Variants in SLC35F1 observed in about 807,000 individuals in gnomAD.
SLC35F1 encodes the protein solute carrier family 35 member F1.
In SLC35F1, 14 loss-of-function variants were observed where a neutral mutation model predicts 48.7. The ratio of observed to expected loss-of-function variants is 0.29; its 90% CI spans 0.19 to 0.45. The LOEUF is 0.45. SLC35F1 is among the 20% of genes least tolerant of loss of function. SLC35F1 has a pLI of 1.00. For missense variants in SLC35F1, 404 were observed against 500.0 expected, an observed-to-expected ratio of 0.81 and a Z score of 1.83; for synonymous variants, 190 against 202.2, an observed-to-expected ratio of 0.94 and a Z score of 0.51.
chr6:118,315,554 C>T lies in SLC35F1; in HGVS notation c.*1302C>T, dbSNP rs560922678. 1.3e-5 allele frequency: 2 copies of T among 151,218 alleles called. No individual in the cohort carries two copies. Among genetic ancestry groups the T allele is most frequent in the South Asian group, 4.2e-4 (2 of 4,790 alleles). The allele number at this position is 151,218 out of a possible 1,614,324, so 9.4% of individuals were successfully genotyped here. ...TCCGGGATTCACACCATTCTCCTGC[C>T]TCAGCCTCCCGAGTAGCTGGGACTA... On this transcript the variant is annotated 3_prime_UTR_variant, in exon 8 of 8. Transcript: ENST00000360388.
At chr6:118,160,427 C>A (rs1424747800) in intron 2 of SLC35F1, among the ~76,000 whole-genome samples, 1 of 152,200 alleles carries the variant, frequency 6.6e-6, no homozygotes, top group African/African-American at 2.4e-5. Context: ...AATCATGTAT[C>A]TGTTTCTTTG....
At chr6:118,082,825 G>A (rs151054855) in intron 1 of SLC35F1, among the ~76,000 whole-genome samples, 38 of 152,240 alleles carry the variant, frequency 2.5e-4, no homozygotes, top group Non-Finnish European at 5.1e-4. Context: ...CTTTTGCATA[G>A]TCCAAATCTC....
intron 1 of SLC35F1, among the ~76,000 whole-genome samples, chr6:117,927,511 G>C (rs1445611738): frequency 6.6e-6 from 1 of 152,160 alleles, no homozygotes; most frequent in Non-Finnish European, 1.5e-5. Context: ...AGGGCAGGGA[G>C]AGAAGGAGTC....
intron 1 of SLC35F1, among the ~76,000 whole-genome samples, chr6:118,082,005 T>C (rs897349022): frequency 2.0e-5 from 3 of 152,232 alleles, no homozygotes; most frequent in Non-Finnish European, 4.4e-5. Flanking sequence ...CCTATGTTTT[T>C]AAAGATTCTG....
intron 1 of SLC35F1, among the ~76,000 whole-genome samples, chr6:118,124,436 G>A (rs940350142): frequency 6.6e-6 from 1 of 152,050 alleles, no homozygotes; most frequent in Non-Finnish European, 1.5e-5. Context: ...TTCAGTCTTG[G>A]AGCCCAAGAG....
chr6:117,956,216 G>A (rs1275654801), intron 1 of SLC35F1, among the ~76,000 whole-genome samples: 4 of 152,232 alleles, frequency 2.6e-5, no homozygotes, highest in Non-Finnish European at 5.9e-5. Flanking sequence ...TCACAAACAG[G>A]TGTTGGCTTA....
At chr6:118,029,824 T>C (rs945578196) in intron 1 of SLC35F1, among the ~76,000 whole-genome samples, 1 of 152,334 alleles carries the variant, frequency 6.6e-6, no homozygotes, top group East Asian at 1.9e-4. Context: ...ACTACGCTAA[T>C]GTGAATTACT....
intron 1 of SLC35F1, among the ~76,000 whole-genome samples, chr6:117,974,667 G>A (rs1562252678): frequency 3.3e-5 from 5 of 152,030 alleles, no homozygotes; most frequent in African/African-American, 1.2e-4. Context: ...TGGTTTCTGT[G>A]GGATTATCTC....
At chr6:117,913,958 C>G (rs57240224) in intron 1 of SLC35F1, among the ~76,000 whole-genome samples, 9 of 151,816 alleles carry the variant, frequency 5.9e-5, no homozygotes, top group Non-Finnish European at 1.3e-4. Context: ...GGCTGAGGCA[C>G]GAGAACCACT....
At chr6:118,219,760 A>T (rs549411275) in intron 2 of SLC35F1, among the ~76,000 whole-genome samples, 55 of 152,326 alleles carry the variant, frequency 3.6e-4, no homozygotes, top group Non-Finnish European at 5.4e-4. Context: ...AAAGACTTGG[A>T]ACCAACCCAA....
chr6:118,058,245 T>G (rs894583670), intron 1 of SLC35F1, among the ~76,000 whole-genome samples: 2 of 152,162 alleles, frequency 1.3e-5, no homozygotes, highest in African/African-American at 4.8e-5. Context: ...TCTAAAAATT[T>G]TGGGTTTTTA....
At chr6:117,999,664 GT>G (rs1223130262) in intron 1 of SLC35F1, among the ~76,000 whole-genome samples, 2 of 151,900 alleles carry the variant, frequency 1.3e-5, no homozygotes, top group African/African-American at 4.8e-5. Context: ...CCAGGAGCTG[GT>G]TTTTTGAAAG....
intron 2 of SLC35F1, among the ~76,000 whole-genome samples, chr6:118,163,369 C>A (rs540560372): frequency 1.4e-4 from 21 of 151,934 alleles, no homozygotes; most frequent in Non-Finnish European, 2.5e-4. Context: ...GAATATGTAA[C>A]ACCATCTACT....
chr6:118,150,987 A>T (rs891279311), intron 1 of SLC35F1, among the ~76,000 whole-genome samples: 4 of 152,054 alleles, frequency 2.6e-5, no homozygotes, highest in African/African-American at 9.7e-5. Context: ...TCTCCACTCA[A>T]CCAAAACTCT....
chr6:118,100,569 A>G (rs1467977137), intron 1 of SLC35F1, among the ~76,000 whole-genome samples: 1 of 152,208 alleles, frequency 6.6e-6, no homozygotes, highest in Admixed American at 6.5e-5. Context: ...GAAGTGGCAC[A>G]TTGGCAAAGT....
intron 1 of SLC35F1, among the ~76,000 whole-genome samples, chr6:117,961,605 T>C (rs532459662): frequency 1.3e-5 from 2 of 152,342 alleles, no homozygotes; most frequent in African/African-American, 4.8e-5. Context: ...AAAGCACAGA[T>C]ACACAGTGTT....
At chr6:118,120,734 C>T (rs1476772770) in intron 1 of SLC35F1, among the ~76,000 whole-genome samples, 2 of 152,064 alleles carry the variant, frequency 1.3e-5, no homozygotes, top group Non-Finnish European at 2.9e-5. Flanking sequence ...ATTGAAACCC[C>T]AGGAAGGGTA....
chr6:118,201,968 G>GT (rs1426043133), intron 2 of SLC35F1, among the ~76,000 whole-genome samples: 1 of 152,188 alleles, frequency 6.6e-6, no homozygotes, highest in Non-Finnish European at 1.5e-5. Context: ...TGTAGAGGGT[G>GT]TTCCATTTTA....
chr6:118,230,617 C>T (rs1388309339), intron 2 of SLC35F1, among the ~76,000 whole-genome samples: 1 of 152,076 alleles, frequency 6.6e-6, no homozygotes. Flanking sequence ...GAAAGAAAGT[C>T]ATATACTATT....
Sources: gnomAD v4.1 joint callset for allele counts (sites outside exome capture counted in the v4.1 genomes callset) on GRCh38, gnomAD v4.1.1 for gene constraint, MANE v1.5 for transcripts, NCBI Gene and HGNC (gene_info 2026-07-23, HGNC 2026-07-21) for gene names.